The following CLTB variants were observed in gnomAD, a reference collection of about 807,000 sequenced individuals.
The protein encoded by CLTB is clathrin light chain B.
Under a neutral mutation model 30.5 loss-of-function variants are expected in CLTB, and 10 were observed. The observed-to-expected ratio is 0.33, with a 90% CI of 0.20 to 0.56. CLTB has a LOEUF of 0.56. Ranked by LOEUF, CLTB falls within the 20% of genes least tolerant of loss-of-function variation. The pLI is 0.91. For missense variants in CLTB, 261 were observed against 308.3 expected, an observed-to-expected ratio of 0.85 and a Z score of 1.15; for synonymous variants, 102 against 120.3, an observed-to-expected ratio of 0.85 and a Z score of 1.00.
In CLTB at chr5:176,416,400, G is replaced by C; in HGVS notation, c.-37C>G. The stretch of plus-strand genomic sequence containing the variant: ...CTCCGCCGGAGCCTCCGCTGCGCTC[G>C]GCTCTGCCCGCGCCTGCCCCGCGCT... On this transcript the variant is annotated 5_prime_UTR_variant, in exon 1 of 6. Transcript: ENST00000310418. The C allele has an allele frequency of 6.5e-7, 1 of 1,548,982 alleles. No homozygotes were observed. The highest frequency in any genetic ancestry group is 8.7e-7 in the Non-Finnish European group (1 of 1,152,238).
intron 2 of CLTB, among the ~76,000 whole-genome samples, chr5:176,408,180 C>T (rs1409144211): frequency 6.6e-6 from 1 of 150,816 alleles, no homozygotes; most frequent in Non-Finnish European, 1.5e-5. Flanking sequence ...TAGGTGGGTG[C>T]GGACAGAAGC....
intron 2 of CLTB, among the ~76,000 whole-genome samples, chr5:176,405,034 G>C (rs766968794): frequency 2.1e-4 from 32 of 152,164 alleles, no homozygotes; most frequent in Non-Finnish European, 4.0e-4. Flanking sequence ...AACATCACAG[G>C]GAGTTGGGAG....
chr5:176,404,978 G>A (rs374829337), intron 2 of CLTB, among the ~76,000 whole-genome samples: 21 of 152,284 alleles, frequency 1.4e-4, no homozygotes, highest in Admixed American at 9.2e-4. Context: ...TACACAACTC[G>A]AGCGAGCTGT....
rs1263389741 is a variant in CLTB, at chr5:176,393,507, T to A, written c.519-562A>T. On this transcript the variant is annotated intron_variant, in intron 5 of 5. Transcript: ENST00000310418. The surrounding 1 kb of genome is among the most constrained non-coding windows in gnomAD (Gnocchi z 4.4). ...ATGGAAAACCCAGCTAAAGAGGATC[T>A]TTACAGCAAGACTTTCAAAGCCTTT... 6.6e-6 allele frequency among the ~76,000 whole-genome samples: 1 copy of A among 152,216 alleles called. No homozygotes were observed. The highest frequency in any genetic ancestry group is 1.9e-4 in the East Asian group (1 of 5,194).
intron 5 of CLTB, among the ~76,000 whole-genome samples, chr5:176,394,540 A>G (rs184465202): frequency 0.01 from 1,576 of 151,764 alleles, 29 homozygotes; most frequent in African/African-American, 0.03. Context: ...GGGTGTGGCC[A>G]GGCGCGGTGG....
At chr5:176,406,195 G>A (rs1757113487) in intron 2 of CLTB, 1 of 995,898 alleles carries the variant, frequency 1.0e-6, no homozygotes, top group Non-Finnish European at 1.2e-6. Flanking sequence ...TGGCCAGGAG[G>A]GTTGGCAACC....
intron 2 of CLTB, among the ~76,000 whole-genome samples, chr5:176,409,569 A>G (rs898033356): frequency 1.3e-5 from 2 of 151,858 alleles, no homozygotes; most frequent in African/African-American, 4.8e-5. Flanking sequence ...ACCTGCCACA[A>G]TGACTGGCTA....
At chr5:176,411,672 A>C (rs753900064) in intron 1 of CLTB, among the ~76,000 whole-genome samples, 80 of 152,182 alleles carry the variant, frequency 5.3e-4, no homozygotes, top group Non-Finnish European at 1.0e-3. Flanking sequence ...AGGCCCACCT[A>C]CAACAGTCCC....
At chr5:176,412,107 C>T (rs772307640) in intron 1 of CLTB, among the ~76,000 whole-genome samples, 157 of 145,164 alleles carry the variant, frequency 1.1e-3, no homozygotes, top group Non-Finnish European at 1.8e-3. Flanking sequence ...ACCCGGGAGG[C>T]GGAGCTTGCA....
rs954132528 is a variant in CLTB at position 176,407,907 on chromosome 5, A to G, written c.234+2350T>C. Among the ~76,000 whole-genome samples the G allele has an allele frequency of 2.0e-5, 3 of 152,146 alleles. No homozygotes were observed. The East Asian group carries it at 5.8e-4, about 29-fold the overall frequency. ...TAAGGTACCAGCCCATCCCTCTTACATAAGAAAATAAGTATTGTTTACTCC... is the reference window on the plus strand; with the variant it reads ...TAAGGTACCAGCCCATCCCTCTTACGTAAGAAAATAAGTATTGTTTACTCC... On this transcript the variant is annotated intron_variant, in intron 2 of 5. Coordinates refer to ENST00000310418, the MANE Select transcript of CLTB (RefSeq NM_007097.5).
chr5:176,413,657 A>G (rs779346148), intron 1 of CLTB, among the ~76,000 whole-genome samples: 3 of 152,218 alleles, frequency 2.0e-5, no homozygotes, highest in Non-Finnish European at 4.4e-5. Context: ...CCCAGCTCTC[A>G]GCAGGCCAGG....
chr5:176,392,785 G>C lies in CLTB; in HGVS notation c.679C>G (p.Leu227Val), dbSNP rs145737672. 7 of 1,614,136 alleles carry C rather than the reference G, an allele frequency of 4.3e-6. No individual in the cohort carries two copies. The highest frequency in any genetic ancestry group is 2.7e-5 in the African/African-American group (2 of 75,074). Residue 227 changes from leucine (L) to valine (V), a missense_variant, in exon 6 of 6, where the codon CTG (leucine) becomes GTG (valine). Leu to Val is a conservative substitution (Grantham distance 32, BLOSUM62 1). Around this residue, in one of 3 missense-constraint regions of CLTB, gnomAD observed 25 missense variants for 48.8 expected, o/e 0.51. Transcript: ENST00000310418. The surrounding 1 kb of genome is among the most constrained non-coding windows in gnomAD (Gnocchi z 5.2). Reference sequence around the variant, plus strand: ...CACCTAGCAGGCACCTAGCGGGACAGTGGCGTCTGCTTCAGGGACATGAGC... The same window carrying C: ...CACCTAGCAGGCACCTAGCGGGACACTGGCGTCTGCTTCAGGGACATGAGC... The part of the protein sequence containing the change: ...SVLMSLKQTP[L>V]SR
intron 1 of CLTB, among the ~76,000 whole-genome samples, chr5:176,412,786 G>T (rs1757510210): frequency 6.6e-6 from 1 of 152,140 alleles, no homozygotes; most frequent in African/African-American, 2.4e-5. Context: ...TCCTGCATGG[G>T]TGTCCTGGCC....
chr5:176,400,883 G>A (rs955585651), intron 2 of CLTB, among the ~76,000 whole-genome samples: 26 of 152,174 alleles, frequency 1.7e-4, no homozygotes, highest in African/African-American at 3.9e-4. Flanking sequence ...GCAGGCACCC[G>A]GTTCAAGGAG....
At position 176,416,471 on chromosome 5, in the gene CLTB, G is replaced by A. The variant is rs1757700384; in HGVS notation, c.-108C>T. The stretch of plus-strand genomic sequence containing the variant: ...TGTCACCCGAGCCGCGGGGGAGCCG[G>A]CGTCGGCGGGGACGGGCTTGGCGCG... On this transcript the variant is annotated 5_prime_UTR_variant, in exon 1 of 6. Transcript: ENST00000310418. The A allele has an allele frequency of 5.1e-6, 5 of 982,790 alleles. No homozygotes were observed. Among genetic ancestry groups the A allele is most frequent in the Non-Finnish European group, 1.3e-6 (1 of 756,086 alleles). 60.9% of individuals were successfully genotyped at this position (982,790 alleles called of 1,614,324 possible).
intron 1 of CLTB, among the ~76,000 whole-genome samples, chr5:176,411,347 T>C (rs886260488): frequency 8.6e-5 from 13 of 152,024 alleles, no homozygotes; most frequent in African/African-American, 2.4e-4. Context: ...GAAAACAAAC[T>C]CCAAAGAAAT....
chr5:176,401,128 C>CACAA (rs1404942804), intron 2 of CLTB, among the ~76,000 whole-genome samples: 1 of 152,236 alleles, frequency 6.6e-6, no homozygotes, highest in Non-Finnish European at 1.5e-5. Context: ...CTCCGGAGAA[C>CACAA]ACAAGTTCAC....
Position 176,416,441 on chromosome 5 carries a change from G to A in CLTB, c.-78C>T. The A allele has an allele frequency of 1.6e-6, 2 of 1,262,420 alleles. No individual in the cohort carries two copies. The highest frequency in any genetic ancestry group is 4.4e-5 in the South Asian group (2 of 45,770). The allele number at this position is 1,262,420 out of a possible 1,614,324, so 78.2% of individuals were successfully genotyped here. On this transcript the variant is annotated 5_prime_UTR_variant, in exon 1 of 6. Coordinates refer to ENST00000310418, the MANE Select transcript of CLTB (RefSeq NM_007097.5). ...GCCCCGCGCTGCGTCCGGCGGCCGC[G>A]ACGCTGTCACCCGAGCCGCGGGGGA... is the stretch of plus-strand genomic sequence containing the variant.
rs1400009985 is a variant in CLTB at position 176,392,832 on chromosome 5, T to C, written c.632A>G (p.Asp211Gly). 1 of 1,614,212 alleles carries C rather than the reference T, an allele frequency of 6.2e-7. No homozygotes were observed. The highest frequency in any genetic ancestry group is 8.5e-7 in the Non-Finnish European group (1 of 1,180,034). Reference sequence around the variant, plus strand: ...GAGCACCGAGCGCAGGCGGGACACATCTTTGCACTGCTTGCTGCTCTTGGG... The same window carrying C: ...GAGCACCGAGCGCAGGCGGGACACACCTTTGCACTGCTTGCTGCTCTTGGG... ...FNPKSSKQCK[D>G]VSRLRSVLMS... The change falls in exon 6 of 6, where the codon GAT becomes GGT. Residue 211 changes from aspartate (D) to glycine (G), a missense_variant. Physicochemically the swap from Asp to Gly is moderately conservative, Grantham distance 94. Coordinates refer to ENST00000310418, the MANE Select transcript of CLTB (RefSeq NM_007097.5). This position sits in a 1 kb window ranked among gnomAD's most constrained non-coding sequence, Gnocchi z 5.2.
Sources: gnomAD v4.1 joint callset for allele counts (sites outside exome capture counted in the v4.1 genomes callset) on GRCh38, gnomAD v4.1.1 for gene constraint, gnomAD v4.1.1 regional missense constraint, Gnocchi (gnomAD v3.1) non-coding constraint, MANE v1.5 for transcripts, NCBI Gene and HGNC (gene_info 2026-07-23, HGNC 2026-07-21) for gene names.